Variants in NRG1 observed in about 807,000 individuals in gnomAD.
NRG1 encodes pro-neuregulin-1, membrane-bound isoform.
In NRG1, 18 loss-of-function variants were observed where a neutral mutation model predicts 63.8. The ratio of observed to expected loss-of-function variants is 0.28; its 90% CI spans 0.19 to 0.42. The LOEUF is 0.42. Ranked by LOEUF, NRG1 falls within the 10% of genes least tolerant of loss-of-function variation. The pLI is 1.00. For missense variants in NRG1, 762 were observed against 814.7 expected (o/e 0.94, Z 0.79); for synonymous variants, 302 against 301.3 (o/e 1.00, Z -0.02).
intron 1 of NRG1, among the ~76,000 whole-genome samples, chr8:31,691,696 T>A (rs1809543696): frequency 6.6e-6 from 1 of 152,082 alleles, no homozygotes; most frequent in African/African-American, 2.4e-5. Context: ...TAAAGTGTTT[T>A]TTTCTTATGC....
At chr8:32,483,647 G>A (rs1025532999) in intron 1 of NRG1, among the ~76,000 whole-genome samples, 2 of 152,288 alleles carry the variant, frequency 1.3e-5, no homozygotes, top group Admixed American at 6.5e-5. Context: ...CGGAGGCTAG[G>A]TAAGTCTTCT....
chr8:31,765,544 T>C (rs1266961926), intron 1 of NRG1, among the ~76,000 whole-genome samples: 1 of 152,200 alleles, frequency 6.6e-6, no homozygotes, highest in Non-Finnish European at 1.5e-5. Context: ...GGGGTAAGTA[T>C]TGAATTTTGG....
At chr8:31,815,422 G>A (rs1436640608) in intron 1 of NRG1, among the ~76,000 whole-genome samples, 2 of 152,040 alleles carry the variant, frequency 1.3e-5, no homozygotes, top group Non-Finnish European at 2.9e-5. Context: ...GCATATTTCA[G>A]GGTATTTTTC....
At position 32,596,640 on chromosome 8, in the gene NRG1, G is replaced by T. The variant is rs553155571; in HGVS notation, c.278+635G>T. Among the ~76,000 whole-genome samples, 6 of 151,390 alleles carry T rather than the reference G, an allele frequency of 4.0e-5. No homozygotes were observed. The East Asian group carries it at 1.2e-3, about 29-fold the overall frequency. On this transcript the variant is annotated intron_variant, in intron 2 of 11. Coordinates refer to ENST00000356819, the Ensembl canonical transcript of NRG1. ...GCAATTTCTTTAAAATAAGACAAAT[G>T]CATATGATAATTTAGAGTACCAGTG...
intron 1 of NRG1, among the ~76,000 whole-genome samples, chr8:31,776,124 C>G (rs1819108747): frequency 6.6e-6 from 1 of 152,070 alleles, no homozygotes; most frequent in African/African-American, 2.4e-5. Flanking sequence ...ACTAGAAGCT[C>G]AAATTTTTAG....
Position 31,832,864 on chromosome 8 carries a change from T to C in NRG1, c.37+193433T>C, listed in dbSNP as rs187432361. Among the ~76,000 whole-genome samples, 1,005 of 151,992 alleles carry C rather than the reference T, an allele frequency of 6.6e-3. 8 individuals carry two copies. Among genetic ancestry groups the C allele is most frequent in the South Asian group, 0.025 (118 of 4,782 alleles). ...TAGTTTCTAATGTACTTTATCAGGG[T>C]GTCAGTTTTTCTTTTGCAAGTGTTT... On this transcript the variant is annotated intron_variant, in intron 1 of 10. Transcript: ENST00000519301.
intron 1 of NRG1, among the ~76,000 whole-genome samples, chr8:32,381,118 C>A (rs539497741): frequency 5.3e-5 from 8 of 152,222 alleles, no homozygotes; most frequent in Non-Finnish European, 1.2e-4. Flanking sequence ...CCTATCCTGC[C>A]CGGGCTACAC....
chr8:32,082,884 G>A (rs370119875), intron 1 of NRG1, among the ~76,000 whole-genome samples: 21 of 152,078 alleles, frequency 1.4e-4, no homozygotes, highest in African/African-American at 2.9e-4. Context: ...AAAGCTCAAG[G>A]TGCATGCTGA....
At chr8:31,987,166 A>T (rs1841803) in intron 1 of NRG1, among the ~76,000 whole-genome samples, 44 of 151,398 alleles carry the variant, frequency 2.9e-4, no homozygotes, top group African/African-American at 8.7e-4. Flanking sequence ...GGCATGGTGG[A>T]GGCTGTGCTT....
intron 1 of NRG1, among the ~76,000 whole-genome samples, chr8:32,271,084 C>T (rs1309358902): frequency 6.6e-6 from 1 of 152,100 alleles, no homozygotes; most frequent in East Asian, 1.9e-4. Flanking sequence ...TTCTGTTTCT[C>T]CTCTTGTCAA....
At chr8:32,586,992 G>A (rs1841733142) in intron 1 of NRG1, among the ~76,000 whole-genome samples, 1 of 152,092 alleles carries the variant, frequency 6.6e-6, no homozygotes, top group Admixed American at 6.6e-5. Flanking sequence ...TCCTTGAAGA[G>A]GATTGCTTGA....
At chr8:32,327,713 AAGAC>A (rs1802173671) in intron 1 of NRG1, among the ~76,000 whole-genome samples, 1 of 152,204 alleles carries the variant, frequency 6.6e-6, no homozygotes, top group African/African-American at 2.4e-5. Context: ...TGGAATTTGA[AAGAC>A]AGACTTTAGA....
At chr8:31,907,840 A>G (rs1394025064) in intron 1 of NRG1, among the ~76,000 whole-genome samples, 1 of 152,106 alleles carries the variant, frequency 6.6e-6, no homozygotes, top group Non-Finnish European at 1.5e-5. Flanking sequence ...AATTATGTCT[A>G]TATTCTTGGT....
intron 1 of NRG1, among the ~76,000 whole-genome samples, chr8:31,691,020 T>C (rs745530514): frequency 6.6e-6 from 1 of 152,136 alleles, no homozygotes. Context: ...AAATGAGGCA[T>C]AGATGGCTTG....
intron 1 of NRG1, among the ~76,000 whole-genome samples, chr8:32,173,841 C>G (rs2132034708): frequency 6.6e-6 from 1 of 152,300 alleles, no homozygotes; most frequent in African/African-American, 2.4e-5. Flanking sequence ...ATTCATAAAG[C>G]AAGTCCTTAG....
exon 12 of NRG1, chr8:32,766,636 G>A (rs1014128381): frequency 6.6e-6 from 1 of 152,152 alleles, no homozygotes; most frequent in African/African-American, 2.4e-5. Context: ...AGTTTCTGTT[G>A]AGAACCATGA....
intron 1 of NRG1, among the ~76,000 whole-genome samples, chr8:31,912,449 G>A (rs1429369482): frequency 1.3e-5 from 2 of 151,992 alleles, no homozygotes; most frequent in African/African-American, 4.8e-5. Context: ...AAAATCCACG[G>A]GAGGACTAGG....
At chr8:32,339,384 G>C (rs753914787) in intron 1 of NRG1, among the ~76,000 whole-genome samples, 1 of 152,052 alleles carries the variant, frequency 6.6e-6, no homozygotes, top group Non-Finnish European at 1.5e-5. Context: ...AATAACTAAC[G>C]AGAATAAGCA....
At chr8:32,130,899 A>G (rs1834724866) in intron 1 of NRG1, among the ~76,000 whole-genome samples, 1 of 151,970 alleles carries the variant, frequency 6.6e-6, no homozygotes, top group African/African-American at 2.4e-5. Context: ...AGGTCATTAC[A>G]TTGCTTCAAG....
Sources: gnomAD v4.1 joint callset for allele counts (sites outside exome capture counted in the v4.1 genomes callset) on GRCh38, gnomAD v4.1.1 for gene constraint, MANE v1.5 for transcripts, NCBI Gene and HGNC (gene_info 2026-07-23, HGNC 2026-07-21) for gene names.